The following IL16 variants were observed in gnomAD, a reference collection of about 807,000 sequenced individuals.
IL16 encodes the protein pro-interleukin-16.
Under a neutral mutation model 110.1 loss-of-function variants are expected in IL16, and 67 were observed. The ratio of observed to expected loss-of-function variants is 0.61; its 90% CI spans 0.50 to 0.75. The LOEUF is 0.75. Among genes scored for constraint, IL16 ranks in the 30% least tolerant of loss-of-function variants. IL16 has a pLI of 0.00. For missense variants in IL16, 1,545 were observed against 1,655.0 expected (o/e 0.93, Z 1.15); for synonymous variants, 689 against 662.9 (o/e 1.04, Z -0.61).
chr15:81,257,637 G>T (rs531961805), intron 2 of IL16, among the ~76,000 whole-genome samples: 10 of 152,262 alleles, frequency 6.6e-5, no homozygotes, highest in African/African-American at 2.4e-4. Flanking sequence ...CTGAGGGTGG[G>T]TTATTTGGCA....
Position 81,303,978 on chromosome 15 carries a change from C to T in IL16, c.3420+328C>T, listed in dbSNP as rs1257989612. Among the ~76,000 whole-genome samples the T allele has an allele frequency of 1.3e-5, 2 of 152,178 alleles. No individual in the cohort carries two copies. The highest frequency in any genetic ancestry group is 2.9e-5 in the Non-Finnish European group (2 of 68,038). Reference sequence around the variant, plus strand: ...TTTGTGGAGCCATGCTGCGGCTGCTCGCTCTCTAAAGCCGAGTGCATTGCT... The same window carrying T: ...TTTGTGGAGCCATGCTGCGGCTGCTTGCTCTCTAAAGCCGAGTGCATTGCT... On this transcript the variant is annotated intron_variant, in intron 16 of 18. Transcript: ENST00000683961. This position sits in a 1 kb window ranked among gnomAD's most constrained non-coding sequence, Gnocchi z 4.1.
intron 10 of IL16, among the ~76,000 whole-genome samples, chr15:81,287,998 T>C (rs1055437456): frequency 6.6e-6 from 1 of 152,234 alleles, no homozygotes; most frequent in Non-Finnish European, 1.5e-5. Context: ...GGGCAAATGC[T>C]GTAGCCCTGG....
intron 2 of IL16, among the ~76,000 whole-genome samples, chr15:81,258,753 C>CTCTCTCTG (rs1414688337): frequency 2.1e-3 from 305 of 145,802 alleles, no homozygotes; most frequent in African/African-American, 7.8e-3. Flanking sequence ...CTCTCTGTCA[C>CTCTCTCTG]TCGCTCTCTC....
intron 2 of IL16, among the ~76,000 whole-genome samples, chr15:81,236,876 T>A (rs534198936): frequency 6.6e-6 from 1 of 152,276 alleles, no homozygotes; most frequent in South Asian, 2.1e-4. Context: ...GAGAATTGCT[T>A]GAACCCGGGA....
intron 3 of IL16, among the ~76,000 whole-genome samples, chr15:81,263,006 G>C (rs751106004): frequency 2.6e-5 from 4 of 152,128 alleles, no homozygotes; most frequent in Non-Finnish European, 5.9e-5. Context: ...CTCTTTTTAT[G>C]CTTTTTATTT....
intron 3 of IL16, among the ~76,000 whole-genome samples, chr15:81,263,314 C>T (rs1472359228): frequency 6.6e-6 from 1 of 150,628 alleles, no homozygotes; most frequent in Non-Finnish European, 1.5e-5. Context: ...TGTATATAAT[C>T]ATGACAATAT....
intron 10 of IL16, among the ~76,000 whole-genome samples, chr15:81,287,162 G>C (rs944757197): frequency 6.6e-6 from 1 of 152,250 alleles, no homozygotes; most frequent in Non-Finnish European, 1.5e-5. Flanking sequence ...AACAAGAGCT[G>C]CTGGGCAAGT....
At chr15:81,288,020 G>T (rs1000737473) in intron 10 of IL16, among the ~76,000 whole-genome samples, 1 of 152,246 alleles carries the variant, frequency 6.6e-6, no homozygotes, top group Non-Finnish European at 1.5e-5. Flanking sequence ...CTTAAGGAAT[G>T]TGCATTCTCC....
intron 1 of IL16, among the ~76,000 whole-genome samples, chr15:81,201,506 C>T (rs554602350): frequency 6.6e-6 from 1 of 152,170 alleles, no homozygotes; most frequent in East Asian, 1.9e-4. Flanking sequence ...TGTTCATCCA[C>T]GAACAACTTT....
At position 81,301,380 on chromosome 15, in the gene IL16, G is replaced by A. The variant is rs762299191; in HGVS notation, c.3186G>A (p.Thr1062=). ...SELREYTEGL[T]EAKEDDDGDH... ...TGAGAGAATATACAGAGGGTCTCAC[G>A]GAAGCCAAGGAAGACGATGATGGGG... Residue 1062 remains threonine (T), a synonymous_variant, in exon 15 of 19, where the codon ACG becomes ACA. Transcript: ENST00000683961. The A allele has an allele frequency of 1.2e-5, 19 of 1,613,656 alleles. No individual in the cohort carries two copies. The highest frequency in any genetic ancestry group is 2.2e-5 in the East Asian group (1 of 44,872).
At position 81,311,036 on chromosome 15, in the gene IL16, G is replaced by A. The variant is rs975330850; in HGVS notation, c.*2238G>A. 6.6e-6 allele frequency: 1 copy of A among 152,190 alleles called. No individual in the cohort carries two copies. Among genetic ancestry groups the A allele is most frequent in the Non-Finnish European group, 1.5e-5 (1 of 68,034 alleles). The allele number at this position is 152,190 out of a possible 1,614,324, so 9.4% of individuals were successfully genotyped here. On this transcript the variant is annotated 3_prime_UTR_variant, in exon 19 of 19. Coordinates refer to ENST00000683961, the MANE Select transcript of IL16 (RefSeq NM_172217.5). ...GCCCAGGTTTCTGGTCTCTAGGCTGGGGAAGTCCTCTGGGTAGGAATCAGC... is the reference window on the plus strand; with the variant it reads ...GCCCAGGTTTCTGGTCTCTAGGCTGAGGAAGTCCTCTGGGTAGGAATCAGC...
Position 81,302,398 on chromosome 15 carries a change from C to T in IL16, c.3318+886C>T, listed in dbSNP as rs138603820. On this transcript the variant is annotated intron_variant, in intron 15 of 18. Coordinates refer to ENST00000683961, the MANE Select transcript of IL16 (RefSeq NM_172217.5). ...TGTAAAACACAAAGAGCCATCCTGC[C>T]TGAGCTGCTCTGGGGAGAGTATTTG... 5.9e-5 allele frequency: 9 copies of T among 152,336 alleles called. No individual in the cohort carries two copies. The East Asian group carries it at 1.2e-3, about 20-fold the overall frequency. 9.4% of individuals were successfully genotyped at this position (152,336 alleles called of 1,614,324 possible). A position where few individuals can be genotyped will look rare whatever the true frequency, so the allele number is the denominator to read the frequency against.
intron 2 of IL16, among the ~76,000 whole-genome samples, chr15:81,257,407 A>T (rs1897985437): frequency 6.6e-6 from 1 of 152,180 alleles, no homozygotes; most frequent in Non-Finnish European, 1.5e-5. Flanking sequence ...GGAATATACA[A>T]ATAGGGAGAA....
intron 3 of IL16, among the ~76,000 whole-genome samples, chr15:81,261,404 G>A (rs1345814618): frequency 6.6e-6 from 1 of 152,076 alleles, no homozygotes; most frequent in Non-Finnish European, 1.5e-5. Flanking sequence ...TTCTGATTGA[G>A]TTCAGTCAAT....
chr15:81,219,472 C>T (rs999900613), intron 1 of IL16, among the ~76,000 whole-genome samples: 1 of 151,840 alleles, frequency 6.6e-6, no homozygotes, highest in Non-Finnish European at 1.5e-5. Context: ...GTAATATATA[C>T]TGATTGGGAA....
At chr15:81,185,703 A>G (rs543228898) in intron 1 of IL16, among the ~76,000 whole-genome samples, 1 of 152,304 alleles carries the variant, frequency 6.6e-6, no homozygotes, top group African/African-American at 2.4e-5. Flanking sequence ...ACACATAAAT[A>G]TAACGGCAAA....
intron 3 of IL16, among the ~76,000 whole-genome samples, chr15:81,260,482 T>A (rs1898111128): frequency 6.6e-6 from 1 of 152,206 alleles, no homozygotes. Context: ...TGGTATTTTA[T>A]TATATGAATT....
chr15:81,268,328 T>TGTACAAAGATTCATGTATTTG (rs1361744410), intron 4 of IL16, among the ~76,000 whole-genome samples: 7 of 152,152 alleles, frequency 4.6e-5, no homozygotes, highest in Non-Finnish European at 7.3e-5. Context: ...GGCGATGTGT[T>TGTACAAAGATTCATGTATTTG]TTACAAACAG....
At chr15:81,295,361 G>T in intron 12 of IL16, 1 of 1,222,616 alleles carries the variant, frequency 8.2e-7, no homozygotes, top group South Asian at 1.4e-5. Context: ...CCATGAAGAG[G>T]ATGCAATATT....
Sources: allele counts gnomAD v4.1 joint callset (sites outside exome capture counted in the v4.1 genomes callset), GRCh38; gene constraint gnomAD v4.1.1; non-coding constraint Gnocchi (gnomAD v3.1); transcripts MANE v1.5; gene names NCBI Gene and HGNC (gene_info 2026-07-23, HGNC 2026-07-21).